The following TRRAP variants were observed in gnomAD, a reference collection of about 807,000 sequenced individuals.
The protein encoded by TRRAP is transformation/transcription domain associated protein.
TRRAP carries 41 observed loss-of-function variants against 438.8 expected under a neutral mutation model. The ratio of observed to expected loss-of-function variants is 0.09; its 90% CI spans 0.07 to 0.12. TRRAP has a LOEUF of 0.12. Among genes scored for constraint, TRRAP ranks in the 10% least tolerant of loss-of-function variants. TRRAP has a pLI of 1.00. For missense variants in TRRAP, 3,122 were observed against 5,055.1 expected (o/e 0.62, Z 11.60); for synonymous variants, 1,994 against 1,962.9 (o/e 1.02, Z -0.42).
intron 13 of TRRAP, among the ~76,000 whole-genome samples, chr7:98,907,946 C>A (rs1041120340): frequency 3.3e-5 from 5 of 152,224 alleles, no homozygotes; most frequent in African/African-American, 1.2e-4. Flanking sequence ...GCCACACTGG[C>A]CCCTATAGCT....
rs1554407877 is a variant in TRRAP, at chr7:98,908,370, A to G, written c.1116-358A>G. ...ACTGTGTCTCTGTAAAGTGGTCATC[A>G]TATATAAAGATTGATTGACCCGTCC... On this transcript the variant is annotated intron_variant, in intron 13 of 72. Coordinates refer to ENST00000456197, the MANE Select transcript of TRRAP (RefSeq NM_001375524.1). The surrounding 1 kb of genome is among the most constrained non-coding windows in gnomAD (Gnocchi z 4.1). Among the ~76,000 whole-genome samples, 1 of 152,228 alleles carries G rather than the reference A, an allele frequency of 6.6e-6. No homozygotes were observed. Among genetic ancestry groups the G allele is most frequent in the African/African-American group, 2.4e-5 (1 of 41,450 alleles).
intron 10 of TRRAP, 22 bp from the exon 11 acceptor site, chr7:98,900,602 T>C: frequency 6.3e-7 from 1 of 1,589,924 alleles, no homozygotes; most frequent in Non-Finnish European, 8.6e-7. Flanking sequence ...AGAGGTAATA[T>C]TTTTGTTCTC....
intron 11 of TRRAP, among the ~76,000 whole-genome samples, chr7:98,901,754 G>T (rs1554406695): frequency 6.6e-6 from 1 of 152,128 alleles, no homozygotes; most frequent in African/African-American, 2.4e-5. Flanking sequence ...TGGCCATGTT[G>T]CCCAGGCTGG....
intron 10 of TRRAP, among the ~76,000 whole-genome samples, chr7:98,900,185 C>G (rs1012533219): frequency 5.3e-5 from 8 of 151,300 alleles, no homozygotes; most frequent in Non-Finnish European, 8.9e-5. Context: ...GAAGCCTTTT[C>G]TCAAACCTAA....
chr7:98,902,939 T>G (rs1320806909), intron 11 of TRRAP, among the ~76,000 whole-genome samples: 2 of 148,426 alleles, frequency 1.3e-5, no homozygotes, highest in Admixed American at 6.7e-5. Context: ...AAATTAGGCA[T>G]GGTGGTATGC....
intron 31 of TRRAP, among the ~76,000 whole-genome samples, chr7:98,943,885 G>T (rs1305593171): frequency 6.6e-6 from 1 of 152,118 alleles, no homozygotes; most frequent in Non-Finnish European, 1.5e-5. Flanking sequence ...GCCTTTGCTG[G>T]ATGTGTTCCA....
intron 60 of TRRAP, 101 bp downstream of exon 60, chr7:98,983,560 T>C: frequency 7.2e-7 from 1 of 1,389,872 alleles, no homozygotes; most frequent in Non-Finnish European, 9.9e-7. Context: ...GTTTGGTTTT[T>C]TTTTCCCCCA....
intron 21 of TRRAP, among the ~76,000 whole-genome samples, chr7:98,922,180 A>G (rs1472624431): frequency 6.6e-6 from 1 of 152,132 alleles, no homozygotes; most frequent in Non-Finnish European, 1.5e-5. Context: ...CCTGGTGACC[A>G]AGAGGAGATG....
chr7:98,989,880 G>A (rs1045921617), intron 63 of TRRAP, among the ~76,000 whole-genome samples: 2 of 152,172 alleles, frequency 1.3e-5, no homozygotes, highest in Non-Finnish European at 2.9e-5. Context: ...TCTTGCAGTC[G>A]GTCACTGGTC....
chr7:98,959,954 AG>A (rs59102296), intron 45 of TRRAP, among the ~76,000 whole-genome samples: 12,203 of 144,014 alleles, frequency 0.085, 544 homozygotes, highest in East Asian at 0.19. Flanking sequence ...AAAAAAAAAA[AG>A]AAAAAGAAAA....
In TRRAP at chr7:98,921,785, C is replaced by T. The variant is rs782379602; in HGVS notation, c.2655C>T (p.Asp885=). ...ALWRTLRNPA[D]SISHVAYRVL... is the part of the protein sequence containing the mutation. ...GGCGCACCTTACGCAACCCTGCTGA[C>T]AGCATCTCCCACGTGGCCTACCGTG... is the stretch of plus-strand genomic sequence containing the variant. Residue 885 remains aspartate (D), a synonymous_variant, in exon 21 of 73, where the codon GAC becomes GAT. Transcript: ENST00000456197. The T allele has an allele frequency of 3.1e-6, 5 of 1,614,086 alleles. No homozygotes were observed. In the Admixed American group the frequency reaches 5.0e-5, roughly 16 times the overall value.
In TRRAP at chr7:98,921,809, T is replaced by C. The variant is rs781873114; in HGVS notation, c.2679T>C (p.Arg893=). 2.0e-5 allele frequency: 32 copies of C among 1,614,042 alleles called. No individual in the cohort carries two copies. Among genetic ancestry groups the C allele is most frequent in the South Asian group, 1.5e-4 (14 of 91,076 alleles). The change falls in exon 21 of 73, where the codon CGT becomes CGC. Residue 893 remains arginine, a synonymous_variant. Transcript: ENST00000456197. The part of the protein sequence containing the change: ...PADSISHVAY[R]VLGKFGGSNR... Reference sequence around the variant, plus strand: ...ACAGCATCTCCCACGTGGCCTACCGTGTGCTCGGTAAGTTTGGCGGCAGTA... The same window carrying C: ...ACAGCATCTCCCACGTGGCCTACCGCGTGCTCGGTAAGTTTGGCGGCAGTA...
chr7:98,926,827 C>G (rs1790069811), intron 22 of TRRAP, among the ~76,000 whole-genome samples: 1 of 150,858 alleles, frequency 6.6e-6, no homozygotes, highest in African/African-American at 2.4e-5. Flanking sequence ...ACCAGCCTGG[C>G]CAATATGGTG....
rs776561714 is a variant in TRRAP, at chr7:98,978,268, A to C, written c.8443A>C (p.Asn2815His). Residue 2815 changes from asparagine (N) to histidine (H), a missense_variant, in exon 57 of 73, where the codon AAC (asparagine) becomes CAC (histidine). Asn to His is a moderately conservative substitution (Grantham distance 68). Transcript: ENST00000456197. The part of the protein sequence containing the change: ...DKAKKEHERS[N>H]ASPAIFPEYQ... ...AGCCAAAAAAGAACATGAGAGGAGT[A>C]ACGCCTCCCCTGCTATTTTCCCTGA... The C allele has an allele frequency of 1.2e-5, 20 of 1,614,076 alleles. No homozygotes were observed. The highest frequency in any genetic ancestry group is 1.6e-5 in the Non-Finnish European group (19 of 1,180,048).
chr7:98,926,460 A>G (rs1790050687), intron 22 of TRRAP, among the ~76,000 whole-genome samples: 1 of 152,242 alleles, frequency 6.6e-6, no homozygotes, highest in Non-Finnish European at 1.5e-5. Context: ...ATAAACCTTT[A>G]GTTTGAAAAA....
At chr7:98,992,461 G>A (rs1751988018) in intron 65 of TRRAP, among the ~76,000 whole-genome samples, 1 of 152,138 alleles carries the variant, frequency 6.6e-6, no homozygotes, top group Non-Finnish European at 1.5e-5. Flanking sequence ...TGATCTATAG[G>A]TAGAGAAAAT....
intron 30 of TRRAP, among the ~76,000 whole-genome samples, chr7:98,941,822 C>T (rs917679220): frequency 6.6e-6 from 1 of 152,130 alleles, no homozygotes; most frequent in Admixed American, 6.6e-5. Context: ...TCATTGGCCA[C>T]GTAAGGTTGG....
At chr7:98,989,078 C>A in intron 63 of TRRAP, 112 bp downstream of exon 63, 1 of 1,094,772 alleles carries the variant, frequency 9.1e-7, no homozygotes, top group Non-Finnish European at 1.3e-6. Context: ...TGATTTCATG[C>A]CTTAACTCTT....
chr7:98,911,940 G>GT (rs1169269917), intron 17 of TRRAP, 82 bp from the exon 18 acceptor site: 8 of 1,307,650 alleles, frequency 6.1e-6, no homozygotes, highest in South Asian at 2.9e-5. Context: ...TTGGTTTTAT[G>GT]TTTTTTGAAA....
Sources: allele counts gnomAD v4.1 joint callset (sites outside exome capture counted in the v4.1 genomes callset), GRCh38; gene constraint gnomAD v4.1.1; non-coding constraint Gnocchi (gnomAD v3.1); transcripts MANE v1.5; gene names NCBI Gene and HGNC (gene_info 2026-07-23, HGNC 2026-07-21).